Variants in CEMIP observed in about 807,000 individuals in gnomAD.
CEMIP encodes cell migration-inducing and hyaluronan-binding protein.
Under a neutral mutation model 156.9 loss-of-function variants are expected in CEMIP, and 105 were observed. The observed-to-expected ratio is 0.67, with a 90% CI of 0.57 to 0.79. CEMIP has a LOEUF of 0.79. Among genes scored for constraint, CEMIP ranks in the 30% least tolerant of loss-of-function variants. The pLI, the probability that CEMIP is intolerant of heterozygous loss-of-function variation, is 0.00. For synonymous variants in CEMIP, 676 were observed against 668.4 expected (o/e 1.01, Z -0.17); for missense variants, 1,457 against 1,769.4 (o/e 0.82, Z 3.17).
intron 1 of CEMIP, among the ~76,000 whole-genome samples, chr15:80,850,322 G>A (rs1897682495): frequency 6.6e-6 from 1 of 152,158 alleles, no homozygotes; most frequent in African/African-American, 2.4e-5. Context: ...TGTCGCCTAG[G>A]CTGGAGTGCA....
intron 1 of CEMIP, among the ~76,000 whole-genome samples, chr15:80,808,338 A>G (rs556623563): frequency 3.9e-5 from 6 of 152,282 alleles, no homozygotes; most frequent in Non-Finnish European, 7.4e-5. Flanking sequence ...AAGGTATTAC[A>G]TACAGCGCAT....
At chr15:80,899,984 AT>A (rs1899403761) in intron 12 of CEMIP, among the ~76,000 whole-genome samples, 1 of 152,092 alleles carries the variant, frequency 6.6e-6, no homozygotes, top group Non-Finnish European at 1.5e-5. Context: ...CATTTGGACT[AT>A]TTAGGAGGGT....
At chr15:80,808,418 C>G (rs149038876) in intron 1 of CEMIP, among the ~76,000 whole-genome samples, 41 of 152,192 alleles carry the variant, frequency 2.7e-4, no homozygotes, top group African/African-American at 9.4e-4. Context: ...ATCAACCACC[C>G]TCCATCCTAA....
At chr15:80,785,907 C>T (rs934133299) in intron 1 of CEMIP, among the ~76,000 whole-genome samples, 9 of 152,170 alleles carry the variant, frequency 5.9e-5, no homozygotes, top group African/African-American at 1.7e-4. Flanking sequence ...CTACACTGGG[C>T]GCAAGAGAGT....
At chr15:80,912,308 A>G (rs1287328219) in intron 14 of CEMIP, among the ~76,000 whole-genome samples, 1 of 152,204 alleles carries the variant, frequency 6.6e-6, no homozygotes, top group Non-Finnish European at 1.5e-5. Flanking sequence ...TTGTAGCCAG[A>G]GCTGTGGACA....
chr15:80,934,535 A>T (rs1162832092), intron 23 of CEMIP, among the ~76,000 whole-genome samples: 1 of 152,254 alleles, frequency 6.6e-6, no homozygotes, highest in Non-Finnish European at 1.5e-5. Flanking sequence ...ACAGTGAGCC[A>T]GGTCGTCTCA....
intron 28 of CEMIP, chr15:80,946,281 G>A (rs888803462): frequency 1.3e-5 from 2 of 152,898 alleles, no homozygotes; most frequent in Non-Finnish European, 2.9e-5. Flanking sequence ...TGCGCTCCAA[G>A]AGAAATCTTC....
chr15:80,901,525 A>T (rs1486438225), intron 12 of CEMIP, among the ~76,000 whole-genome samples: 1 of 152,026 alleles, frequency 6.6e-6, no homozygotes, highest in East Asian at 1.9e-4. Flanking sequence ...AACATAGTGA[A>T]ACCCCGTCTC....
intron 7 of CEMIP, among the ~76,000 whole-genome samples, chr15:80,885,510 C>T (rs185612907): frequency 1.8e-3 from 275 of 152,320 alleles, no homozygotes; most frequent in African/African-American, 6.4e-3. Context: ...AACCAAAAGG[C>T]CAGTTTATTA....
At chr15:80,804,820 T>G (rs752444365) in intron 1 of CEMIP, among the ~76,000 whole-genome samples, 2 of 152,182 alleles carry the variant, frequency 1.3e-5, no homozygotes, top group Non-Finnish European at 2.9e-5. Flanking sequence ...GTCATAGTAC[T>G]TGAACTAGGG....
chr15:80,812,440 C>T (rs749208213), intron 1 of CEMIP, among the ~76,000 whole-genome samples: 3 of 152,130 alleles, frequency 2.0e-5, no homozygotes, highest in Non-Finnish European at 4.4e-5. Flanking sequence ...CAAATCCTAG[C>T]TCCACCGTTA....
chr15:80,894,775 G>A (rs2141857765), intron 10 of CEMIP, among the ~76,000 whole-genome samples: 1 of 152,266 alleles, frequency 6.6e-6, no homozygotes, highest in South Asian at 2.1e-4. Flanking sequence ...TAGGACCTCA[G>A]GCCAGGCATT....
chr15:80,839,106 A>G (rs1017437889), intron 1 of CEMIP, among the ~76,000 whole-genome samples: 1 of 152,186 alleles, frequency 6.6e-6, no homozygotes, highest in Admixed American at 6.5e-5. Context: ...TGTTCGGGGT[A>G]GCAGGAGAGG....
intron 1 of CEMIP, among the ~76,000 whole-genome samples, chr15:80,791,946 T>C (rs551566832): frequency 1.2e-4 from 19 of 152,316 alleles, no homozygotes; most frequent in Admixed American, 1.1e-3. Context: ...AGATGGATAC[T>C]CTGAATGCGG....
At chr15:80,880,222 A>G (rs1898601315) in intron 5 of CEMIP, among the ~76,000 whole-genome samples, 1 of 152,214 alleles carries the variant, frequency 6.6e-6, no homozygotes, top group Non-Finnish European at 1.5e-5. Flanking sequence ...CTCTTTAAAC[A>G]ATTGAGAGTG....
At chr15:80,929,533 A>G (rs973079329) in intron 21 of CEMIP, among the ~76,000 whole-genome samples, 1 of 152,218 alleles carries the variant, frequency 6.6e-6, no homozygotes, top group African/African-American at 2.4e-5. Context: ...ATGGCAGAGC[A>G]ATAGAGTCAG....
intron 1 of CEMIP, among the ~76,000 whole-genome samples, chr15:80,820,480 A>G (rs993911863): frequency 6.6e-6 from 1 of 152,224 alleles, no homozygotes; most frequent in Non-Finnish European, 1.5e-5. Flanking sequence ...TGATTCATCC[A>G]ACCTGAACCA....
chr15:80,830,019 A>C (rs1020184791), intron 1 of CEMIP, among the ~76,000 whole-genome samples: 2 of 123,088 alleles, frequency 1.6e-5, no homozygotes, highest in African/African-American at 7.4e-5. Flanking sequence ...TGTCCTTCCA[A>C]TAAGCAACCA....
intron 1 of CEMIP, among the ~76,000 whole-genome samples, chr15:80,839,557 G>T (rs943015144): frequency 6.6e-6 from 1 of 152,140 alleles, no homozygotes; most frequent in African/African-American, 2.4e-5. Flanking sequence ...GCAGAAGGGT[G>T]GGCCTTCAGC....
Sources: gnomAD v4.1 joint callset for allele counts (sites outside exome capture counted in the v4.1 genomes callset) on GRCh38, gnomAD v4.1.1 for gene constraint, MANE v1.5 for transcripts, NCBI Gene and HGNC (gene_info 2026-07-23, HGNC 2026-07-21) for gene names.